PDGFD: variants seen among roughly 807,000 people sequenced by gnomAD.
PDGFD encodes the protein platelet-derived growth factor D.
A neutral mutation model predicts 44.7 loss-of-function variants in PDGFD; 30 were observed. The observed-to-expected ratio is 0.67, with a 90% CI of 0.50 to 0.91. PDGFD has a LOEUF of 0.91. Among genes scored for constraint, PDGFD ranks in the 40% least tolerant of loss-of-function variants. The probability of loss-of-function intolerance (pLI) is 0.00; values close to 1 mark genes in which losing one functional copy is unlikely to be tolerated. For synonymous variants in PDGFD, 173 were observed against 168.4 expected (o/e 1.03, Z -0.21); for missense variants, 445 against 457.8 (o/e 0.97, Z 0.25).
chr11:104,116,132 A>G (rs1861634445), intron 1 of PDGFD, among the ~76,000 whole-genome samples: 1 of 151,972 alleles, frequency 6.6e-6, no homozygotes, highest in African/African-American at 2.4e-5. Context: ...AGGGTTTTCC[A>G]ATGTTATCTT....
intron 3 of PDGFD, among the ~76,000 whole-genome samples, chr11:103,987,105 A>G (rs1859378696): frequency 7.0e-6 from 1 of 142,270 alleles, no homozygotes; most frequent in South Asian, 2.2e-4. Context: ...AAAAACTCCA[A>G]TCCTTGAGTT....
chr11:104,023,904 T>C (rs967303093), intron 1 of PDGFD, among the ~76,000 whole-genome samples: 2 of 152,172 alleles, frequency 1.3e-5, no homozygotes, highest in African/African-American at 4.8e-5. Context: ...TCATTAGCCA[T>C]ATTTTAATAT....
At chr11:104,160,824 A>G (rs1862377527) in intron 1 of PDGFD, among the ~76,000 whole-genome samples, 1 of 152,168 alleles carries the variant, frequency 6.6e-6, no homozygotes, top group South Asian at 2.1e-4. Flanking sequence ...AGAGTTCCGG[A>G]AGGCCAGGAC....
In PDGFD at chr11:104,114,789, T is replaced by C. The variant is rs574114593; in HGVS notation, c.124+49015A>G. Among the ~76,000 whole-genome samples, 22 of 152,204 alleles carry C rather than the reference T, an allele frequency of 1.4e-4. No individual in the cohort carries two copies. In the East Asian group the frequency reaches 4.2e-3, roughly 29 times the overall value. On this transcript the variant is annotated intron_variant, in intron 1 of 6. Transcript: ENST00000393158. ...TTTCTTTCATCAGAGTTTTGTTGTT[T>C]TCCTCATATAGACCCCGTACATATT...
At chr11:104,122,626 C>A (rs532337258) in intron 1 of PDGFD, among the ~76,000 whole-genome samples, 21 of 152,148 alleles carry the variant, frequency 1.4e-4, no homozygotes, top group African/African-American at 4.6e-4. Flanking sequence ...TCCTTAACTT[C>A]CTAGACCATG....
rs370902889 is a variant in PDGFD at position 103,990,808 on chromosome 11, G to A, written c.510+5257C>T. ...ATGGGTGTTCCGAATAGTCAATTCC[G>A]AAGGTCAATGGTCCTTTACTCTCTA... On this transcript the variant is annotated intron_variant, in intron 3 of 6. Coordinates refer to ENST00000393158, the MANE Select transcript of PDGFD (RefSeq NM_025208.5). Among the ~76,000 whole-genome samples, 32 of 152,168 alleles carry A rather than the reference G, an allele frequency of 2.1e-4. No individual in the cohort carries two copies. The South Asian group carries it at 5.4e-3, about 26-fold the overall frequency.
chr11:103,983,955 G>C (rs11226103), intron 3 of PDGFD, among the ~76,000 whole-genome samples: 2,890 of 151,708 alleles, frequency 0.019, 166 homozygotes, highest in East Asian at 0.16. Context: ...CACTGTCGGT[G>C]GAAGTGTAAA....
chr11:104,130,657 T>C (rs1418728654), intron 1 of PDGFD, among the ~76,000 whole-genome samples: 1 of 152,190 alleles, frequency 6.6e-6, no homozygotes, highest in African/African-American at 2.4e-5. Flanking sequence ...GGACTTTGAC[T>C]TTGCTCTTCT....
chr11:103,925,578 C>T (rs1197270090), intron 6 of PDGFD, among the ~76,000 whole-genome samples: 1 of 150,470 alleles, frequency 6.6e-6, no homozygotes, highest in African/African-American at 2.4e-5. Context: ...GCATGTGTTT[C>T]CACAATAATA....
chr11:104,135,439 T>C (rs923622521), intron 1 of PDGFD, among the ~76,000 whole-genome samples: 2 of 152,186 alleles, frequency 1.3e-5, no homozygotes, highest in African/African-American at 4.8e-5. Context: ...ATGTATGAAA[T>C]TCCAGAAATA....
intron 1 of PDGFD, among the ~76,000 whole-genome samples, chr11:104,134,236 A>G (rs966628136): frequency 2.1e-5 from 3 of 145,158 alleles, no homozygotes; most frequent in African/African-American, 7.7e-5. Context: ...AGTACTATAT[A>G]CCACATAACT....
chr11:104,027,194 T>C (rs1362369102), intron 1 of PDGFD, among the ~76,000 whole-genome samples: 1 of 152,218 alleles, frequency 6.6e-6, no homozygotes, highest in Non-Finnish European at 1.5e-5. Flanking sequence ...CTCCCTGGTG[T>C]TGAAACAGAT....
chr11:104,157,962 CTT>C (rs1390343133), intron 1 of PDGFD, among the ~76,000 whole-genome samples: 3 of 152,150 alleles, frequency 2.0e-5, no homozygotes, highest in Non-Finnish European at 2.9e-5. Context: ...AAATGACACT[CTT>C]TTTAAAGAGT....
intron 5 of PDGFD, among the ~76,000 whole-genome samples, chr11:103,931,597 C>CT (rs974549923): frequency 2.0e-5 from 3 of 151,826 alleles, no homozygotes; most frequent in African/African-American, 7.3e-5. Flanking sequence ...CTTTTCTTTT[C>CT]TTTTTTTGAG....
At chr11:104,097,935 A>T (rs562158010) in intron 1 of PDGFD, among the ~76,000 whole-genome samples, 1 of 152,174 alleles carries the variant, frequency 6.6e-6, no homozygotes, top group Non-Finnish European at 1.5e-5. Flanking sequence ...GATACTTAAA[A>T]TGGTTGTTCT....
intron 3 of PDGFD, among the ~76,000 whole-genome samples, chr11:103,994,480 G>C (rs1421590514): frequency 1.3e-5 from 2 of 152,170 alleles, no homozygotes; most frequent in Non-Finnish European, 2.9e-5. Context: ...ACTGGAACCA[G>C]TGTTACCGCA....
chr11:103,933,683 T>C (rs1407524455), intron 5 of PDGFD, among the ~76,000 whole-genome samples: 1 of 152,232 alleles, frequency 6.6e-6, no homozygotes, highest in African/African-American at 2.4e-5. Context: ...CTTTGTGAGA[T>C]GCTTTCACAA....
intron 1 of PDGFD, among the ~76,000 whole-genome samples, chr11:104,157,769 T>C (rs80105620): frequency 0.027 from 4,169 of 152,258 alleles, 207 homozygotes; most frequent in African/African-American, 0.095. Context: ...TTCTTGAAAA[T>C]TGATAAGGAA....
intron 1 of PDGFD, among the ~76,000 whole-genome samples, chr11:104,127,602 C>A (rs961954533): frequency 3.0e-4 from 45 of 152,108 alleles, no homozygotes; most frequent in African/African-American, 1.1e-3. Context: ...TCAATGCATA[C>A]AAGCCAAGGT....
Sources: allele counts gnomAD v4.1 joint callset (sites outside exome capture counted in the v4.1 genomes callset), GRCh38; gene constraint gnomAD v4.1.1; transcripts MANE v1.5; gene names NCBI Gene and HGNC (gene_info 2026-07-23, HGNC 2026-07-21).